USP28: variants seen among roughly 807,000 people sequenced by gnomAD.
USP28 encodes ubiquitin carboxyl-terminal hydrolase 28.
In USP28, 113 loss-of-function variants were observed where a neutral mutation model predicts 145.0. That is an observed-to-expected ratio of 0.78 (90% CI 0.67 to 0.91). The LOEUF (loss-of-function observed/expected upper bound fraction) is 0.91, where lower values mean the gene tolerates loss of function less well. Among genes scored for constraint, USP28 ranks in the 40% least tolerant of loss-of-function variants. The probability of loss-of-function intolerance (pLI) is 0.00; values close to 1 mark genes in which losing one functional copy is unlikely to be tolerated. For synonymous variants in USP28, 447 were observed against 450.9 expected (o/e 0.99, Z 0.11); for missense variants, 1,201 against 1,289.6 (o/e 0.93, Z 1.05).
At chr11:113,873,567 C>T (rs776318040) in intron 1 of USP28, among the ~76,000 whole-genome samples, 5 of 152,222 alleles carry the variant, frequency 3.3e-5, no homozygotes, top group Non-Finnish European at 5.9e-5. Context: ...GGCACATGGT[C>T]TTAAATGACT....
chr11:113,820,987 A>T (rs570769314), intron 12 of USP28: 26 of 175,082 alleles, frequency 1.5e-4, no homozygotes, highest in Non-Finnish European at 2.6e-4. Context: ...AATTCAGCAG[A>T]TTCTTGATGA....
At chr11:113,812,350 G>T in exon 16 of USP28, 1 of 1,614,010 alleles carries the variant, frequency 6.2e-7, no homozygotes, top group Non-Finnish European at 8.5e-7. Flanking sequence ...GCCTCCATAG[G>T]AATCTCTTTC....
intron 5 of USP28, among the ~76,000 whole-genome samples, chr11:113,836,269 A>G (rs1473047650): frequency 6.6e-6 from 1 of 152,136 alleles, no homozygotes; most frequent in African/African-American, 2.4e-5. Flanking sequence ...TCTCCTCGCC[A>G]TTCACATCTA....
exon 23 of USP28, chr11:113,803,171 C>T (rs749432580): frequency 6.2e-7 from 1 of 1,613,646 alleles, no homozygotes; most frequent in Non-Finnish European, 8.5e-7. Flanking sequence ...AAGGCATTTT[C>T]TTCGGTATAA....
chr11:113,835,503 T>C (rs966417775), intron 5 of USP28, among the ~76,000 whole-genome samples: 2 of 152,188 alleles, frequency 1.3e-5, no homozygotes, highest in Admixed American at 6.5e-5. Flanking sequence ...CCTGGCGGGA[T>C]TCAGCCAACA....
At position 113,807,931 on chromosome 11, in the gene USP28, T is replaced by A. The variant is rs1201962613; in HGVS notation, c.2304+367A>T. ...ATAAGACTGACAACAAACAACTATA[T>A]CCTGCACTCATCTCTGTACCTCCTC... On this transcript the variant is annotated intron_variant, in intron 18 of 24. Transcript: ENST00000003302. The A allele has an allele frequency of 6.5e-6, 7 of 1,069,038 alleles. No homozygotes were observed. The highest frequency in any genetic ancestry group is 8.0e-6 in the Non-Finnish European group (7 of 875,892). The allele number at this position is 1,069,038 out of a possible 1,614,324, so 66.2% of individuals were successfully genotyped here. A position where few individuals can be genotyped will look rare whatever the true frequency, so the allele number is the denominator to read the frequency against.
chr11:113,800,561 G>C (rs907082254), intron 24 of USP28, among the ~76,000 whole-genome samples: 6 of 152,166 alleles, frequency 3.9e-5, no homozygotes, highest in African/African-American at 1.4e-4. Context: ...AAAGTGCTGG[G>C]ACTACAAGTG....
chr11:113,810,633 C>G (rs1369730483), intron 16 of USP28, among the ~76,000 whole-genome samples: 1 of 152,214 alleles, frequency 6.6e-6, no homozygotes, highest in Non-Finnish European at 1.5e-5. Flanking sequence ...CCCAACCACA[C>G]TAGCAAATCA....
chr11:113,817,865 C>A, intron 12 of USP28, 28 bp from the exon 13 acceptor site: 1 of 1,603,884 alleles, frequency 6.2e-7, no homozygotes, highest in Non-Finnish European at 8.5e-7. Context: ...TGGTACTCTA[C>A]TGCCCAAGGC....
intron 8 of USP28, among the ~76,000 whole-genome samples, chr11:113,831,253 T>C (rs17116055): frequency 0.013 from 2,010 of 152,268 alleles, 44 homozygotes; most frequent in African/African-American, 0.046. Context: ...TATCCAATGA[T>C]AGATGTATAC....
chr11:113,858,773 C>G (rs1206204031), intron 1 of USP28, among the ~76,000 whole-genome samples: 3 of 152,260 alleles, frequency 2.0e-5, no homozygotes, highest in African/African-American at 7.2e-5. Flanking sequence ...CCACGCCTAG[C>G]TAATTTTTGT....
exon 20 of USP28, chr11:113,804,880 C>T: frequency 6.2e-7 from 1 of 1,614,088 alleles, no homozygotes; most frequent in Non-Finnish European, 8.5e-7. Flanking sequence ...TTCATCATAG[C>T]TAAGATTTTT....
At chr11:113,861,583 C>T (rs1947700011) in intron 1 of USP28, among the ~76,000 whole-genome samples, 1 of 152,152 alleles carries the variant, frequency 6.6e-6, no homozygotes, top group African/African-American at 2.4e-5. Flanking sequence ...TCTCTTTCTT[C>T]ACATGTACTA....
intron 2 of USP28, 102 bp downstream of exon 2, chr11:113,854,156 A>G (rs1374098429): frequency 2.9e-6 from 3 of 1,045,360 alleles, no homozygotes; most frequent in Non-Finnish European, 2.8e-6. Flanking sequence ...TTCTGTCCCT[A>G]TATGTGCTTT....
At chr11:113,804,987 G>A (rs1028217883) in exon 20 of USP28, 1 of 1,614,156 alleles carries the variant, frequency 6.2e-7, no homozygotes, top group East Asian at 2.2e-5. Context: ...GAGGATCACT[G>A]TGAGAGGTGG....
exon 23 of USP28, chr11:113,803,194 T>G: frequency 6.2e-7 from 1 of 1,614,112 alleles, no homozygotes; most frequent in South Asian, 1.1e-5. Flanking sequence ...CAATCACGGA[T>G]TCTTTGACCC....
At chr11:113,827,101 C>T in intron 11 of USP28, 132 bp downstream of exon 11, 2 of 1,164,056 alleles carry the variant, frequency 1.7e-6, no homozygotes, top group East Asian at 2.7e-5. Flanking sequence ...AGACCCTCAA[C>T]CTAGACTCAT....
At chr11:113,799,299 T>C in exon 25 of USP28, 1 of 1,614,142 alleles carries the variant, frequency 6.2e-7, no homozygotes, top group Non-Finnish European at 8.5e-7. Context: ...GCAAATCGGC[T>C]ACATAGGTCA....
intron 18 of USP28, 80 bp from the exon 20 acceptor site, chr11:113,806,664 C>A: frequency 9.6e-7 from 1 of 1,044,642 alleles, no homozygotes; most frequent in Non-Finnish European, 1.4e-6. Context: ...GCAGGCTGAA[C>A]AGAGTGCTAA....
Sources: allele counts gnomAD v4.1 joint callset (sites outside exome capture counted in the v4.1 genomes callset), GRCh38; gene constraint gnomAD v4.1.1; transcripts MANE v1.5; gene names NCBI Gene and HGNC (gene_info 2026-07-23, HGNC 2026-07-21).